MAP3K7CL: variants seen among roughly 807,000 people sequenced by gnomAD.
The protein encoded by MAP3K7CL is MAP3K7 C-terminal like, also known as MAP3K7 C-terminal-like protein.
Under a neutral mutation model 18.6 loss-of-function variants are expected in MAP3K7CL, and 16 were observed. The ratio of observed to expected loss-of-function variants is 0.86; its 90% CI spans 0.58 to 1.31. The LOEUF is 1.31. Ranked by LOEUF, MAP3K7CL falls within the 50% of genes most tolerant of loss-of-function variation. The pLI, the probability that MAP3K7CL is intolerant of heterozygous loss-of-function variation, is 0.00. For synonymous variants in MAP3K7CL, 65 were observed against 66.8 expected (o/e 0.97, Z 0.13); for missense variants, 163 against 174.4 (o/e 0.93, Z 0.37).
At chr21:29,132,090 G>C (rs1181450854) in intron 1 of MAP3K7CL, among the ~76,000 whole-genome samples, 3 of 152,152 alleles carry the variant, frequency 2.0e-5, no homozygotes, top group East Asian at 3.9e-4. Context: ...AGAGGGTTTA[G>C]GGGAGGTGGG....
intron 2 of MAP3K7CL, among the ~76,000 whole-genome samples, chr21:29,143,801 G>C (rs1366890031): frequency 6.6e-6 from 1 of 152,148 alleles, no homozygotes; most frequent in East Asian, 1.9e-4. Context: ...GAGCACAGTG[G>C]GAGGGGGAGA....
intron 2 of MAP3K7CL, among the ~76,000 whole-genome samples, chr21:29,143,154 G>T (rs1454317996): frequency 6.6e-6 from 1 of 152,068 alleles, no homozygotes; most frequent in African/African-American, 2.4e-5. Flanking sequence ...AAAATGCAGG[G>T]TTCCTCATTC....
At chr21:29,105,079 G>A (rs192234588) in intron 4 of MAP3K7CL, among the ~76,000 whole-genome samples, 2 of 152,298 alleles carry the variant, frequency 1.3e-5, no homozygotes, top group Non-Finnish European at 2.9e-5. Flanking sequence ...CATTCAAATG[G>A]CAGGAGCTGT....
At chr21:29,163,316 A>G (rs1411129519) in intron 4 of MAP3K7CL, among the ~76,000 whole-genome samples, 1 of 152,086 alleles carries the variant, frequency 6.6e-6, no homozygotes, top group Non-Finnish European at 1.5e-5. Context: ...TCCCTAAATA[A>G]TTGGCTAGAT....
intron 2 of MAP3K7CL, among the ~76,000 whole-genome samples, chr21:29,147,099 T>G (rs548399533): frequency 6.6e-6 from 1 of 152,310 alleles, no homozygotes; most frequent in African/African-American, 2.4e-5. Flanking sequence ...CTTTTCTTGC[T>G]TTATTATAAT....
chr21:29,139,061 A>G (rs62222421), intron 2 of MAP3K7CL, among the ~76,000 whole-genome samples: 4,499 of 152,328 alleles, frequency 0.03, 100 homozygotes, highest in Middle Eastern at 0.095. Flanking sequence ...GGTACTCCGG[A>G]ACCCATACCA....
chr21:29,131,707 AAC>A (rs1311312823), intron 1 of MAP3K7CL, among the ~76,000 whole-genome samples: 1 of 152,210 alleles, frequency 6.6e-6, no homozygotes, highest in Non-Finnish European at 1.5e-5. Flanking sequence ...CTGGATAATA[AAC>A]AGTTGCTGGT....
chr21:29,120,514 G>T (rs1487227983), intron 4 of MAP3K7CL, among the ~76,000 whole-genome samples: 1 of 152,110 alleles, frequency 6.6e-6, no homozygotes, highest in African/African-American at 2.4e-5. Flanking sequence ...TACATCATGG[G>T]TATGAAAAGG....
In MAP3K7CL at chr21:29,152,746, T is replaced by G. The variant is rs7277630; in HGVS notation, c.132+3496T>G. 4.9e-3 allele frequency among the ~76,000 whole-genome samples: 744 copies of G among 152,352 alleles called. 7 individuals carry two copies. The highest frequency in any genetic ancestry group is 0.017 in the African/African-American group (711 of 41,578). On this transcript the variant is annotated intron_variant, in intron 3 of 4. Transcript: ENST00000399928. ...TGCAATAATGAGTAAGCTAACTGTT[T>G]TGTCTCCACCTTACAGATGAGAAAC...
At chr21:29,118,095 A>AT (rs1026097091) in intron 4 of MAP3K7CL, among the ~76,000 whole-genome samples, 1 of 141,590 alleles carries the variant, frequency 7.1e-6, no homozygotes, top group African/African-American at 2.6e-5. Flanking sequence ...AATTAAAAAA[A>AT]TTTTTTTTGA....
chr21:29,084,670 T>C (rs955381288), upstream of MAP3K7CL, among the ~76,000 whole-genome samples: 1 of 152,230 alleles, frequency 6.6e-6, no homozygotes, highest in Admixed American at 6.5e-5. Context: ...GACTATTTTC[T>C]TTCTTACCAG....
chr21:29,085,814 T>G (rs779342461), upstream of MAP3K7CL: 11 of 1,600,258 alleles, frequency 6.9e-6, no homozygotes, highest in Non-Finnish European at 9.4e-6. Context: ...ATCCCCCAGG[T>G]GAAAGACAAC....
chr21:29,154,307 A>G (rs978448228), intron 3 of MAP3K7CL, among the ~76,000 whole-genome samples: 2 of 152,228 alleles, frequency 1.3e-5, no homozygotes, highest in Non-Finnish European at 2.9e-5. Flanking sequence ...AAATAAAAGC[A>G]TCTGCTTGAA....
intron 4 of MAP3K7CL, among the ~76,000 whole-genome samples, chr21:29,107,616 T>C (rs912597950): frequency 1.3e-5 from 2 of 152,166 alleles, no homozygotes; most frequent in African/African-American, 2.4e-5. Context: ...CTTTGGAAGT[T>C]GTCACGTGGG....
chr21:29,173,830 T>C (rs1184059554), intron 4 of MAP3K7CL, among the ~76,000 whole-genome samples: 2 of 152,070 alleles, frequency 1.3e-5, no homozygotes, highest in African/African-American at 4.8e-5. Context: ...GCCTCCCGAG[T>C]AGCTGGAACT....
intron 4 of MAP3K7CL, among the ~76,000 whole-genome samples, chr21:29,104,414 C>T (rs1422879431): frequency 6.6e-6 from 1 of 152,162 alleles, no homozygotes; most frequent in Non-Finnish European, 1.5e-5. Flanking sequence ...TTGTTCGTGG[C>T]CTGTGTTGGT....
intron 4 of MAP3K7CL, among the ~76,000 whole-genome samples, chr21:29,167,336 A>G (rs2087713047): frequency 6.6e-6 from 1 of 152,132 alleles, no homozygotes; most frequent in Admixed American, 6.5e-5. Context: ...GGCTATCAAA[A>G]TCAATGTGAG....
chr21:29,084,042 A>G (rs1157155605), upstream of MAP3K7CL, among the ~76,000 whole-genome samples: 1 of 148,058 alleles, frequency 6.8e-6, no homozygotes, highest in Non-Finnish European at 1.5e-5. Flanking sequence ...ATAATTATAT[A>G]TAATATTATA....
intron 4 of MAP3K7CL, among the ~76,000 whole-genome samples, chr21:29,098,903 A>G (rs1359951037): frequency 6.6e-6 from 1 of 152,178 alleles, no homozygotes; most frequent in African/African-American, 2.4e-5. Flanking sequence ...TGAGTATAGC[A>G]GTCCCCTCAG....
Sources: allele counts gnomAD v4.1 joint callset (sites outside exome capture counted in the v4.1 genomes callset), GRCh38; gene constraint gnomAD v4.1.1; transcripts MANE v1.5; gene names NCBI Gene and HGNC (gene_info 2026-07-23, HGNC 2026-07-21).